The following SPATS2L variants were observed in gnomAD, a reference collection of about 807,000 sequenced individuals.
SPATS2L encodes spermatogenesis associated serine rich 2 like, also known as SPATS2-like protein.
In SPATS2L, 30 loss-of-function variants were observed where a neutral mutation model predicts 59.6. The ratio of observed to expected loss-of-function variants is 0.50; its 90% CI spans 0.38 to 0.68. SPATS2L has a LOEUF of 0.68. Ranked by LOEUF, SPATS2L falls within the 30% of genes least tolerant of loss-of-function variation. The pLI, the probability that SPATS2L is intolerant of heterozygous loss-of-function variation, is 0.00. For synonymous variants in SPATS2L, 252 were observed against 263.5 expected (o/e 0.96, Z 0.42); for missense variants, 615 against 700.0 (o/e 0.88, Z 1.37).
chr2:200,419,563 G>C (rs2083222369), intron 6 of SPATS2L, 67 bp downstream of exon 6: 1 of 1,554,180 alleles, frequency 6.4e-7, no homozygotes, highest in African/African-American at 1.4e-5. Context: ...GGAGCTCATT[G>C]GGGCTGCTGT....
chr2:200,419,265 A>T lies in SPATS2L; in HGVS notation c.214A>T (p.Arg72Ter). 6.3e-7 allele frequency: 1 copy of T among 1,575,228 alleles called. No individual in the cohort carries two copies. Among genetic ancestry groups the T allele is most frequent in the Admixed American group, 1.9e-5 (1 of 53,376 alleles). The change falls in exon 6 of 13, where the codon AGA (arginine) becomes TGA (stop). Residue 72 changes from arginine (R) to a stop codon, truncating the protein, a stop_gained. Coordinates refer to ENST00000409140, the MANE Select transcript of SPATS2L (RefSeq NM_001100423.2). LOFTEE classifies it high-confidence loss of function. ...TGKKKNNKRK[R>*]SKSKQHQGNK... ...CTCATTCTAGAACAATAAAAGAAAAAGAAGCAAGTCCAAGCAGCATCAAGG... is the reference window on the plus strand; with the variant it reads ...CTCATTCTAGAACAATAAAAGAAAATGAAGCAAGTCCAAGCAGCATCAAGG...
intron 2 of SPATS2L, among the ~76,000 whole-genome samples, chr2:200,356,710 G>C (rs1282092495): frequency 6.6e-6 from 1 of 152,176 alleles, no homozygotes; most frequent in East Asian, 1.9e-4. Context: ...AGGGATCATG[G>C]ATGTCAGCCT....
intron 9 of SPATS2L, among the ~76,000 whole-genome samples, chr2:200,461,646 A>G: frequency 6.6e-6 from 1 of 152,210 alleles, no homozygotes. Context: ...TTACCCAAAG[A>G]TGAATTGGAT....
chr2:200,355,894 G>T (rs1559063286), intron 2 of SPATS2L, among the ~76,000 whole-genome samples: 1 of 152,180 alleles, frequency 6.6e-6, no homozygotes, highest in Non-Finnish European at 1.5e-5. Context: ...AATAAAGAAG[G>T]TTGTTTCCTT....
At chr2:200,472,353 A>C (rs2087115769) in intron 11 of SPATS2L, among the ~76,000 whole-genome samples, 1 of 152,210 alleles carries the variant, frequency 6.6e-6, no homozygotes, top group South Asian at 2.1e-4. Context: ...AACATCGTGG[A>C]TCTGACAGGC....
intron 2 of SPATS2L, among the ~76,000 whole-genome samples, chr2:200,348,267 T>C (rs1490254829): frequency 6.6e-6 from 1 of 152,178 alleles, no homozygotes; most frequent in African/African-American, 2.4e-5. Flanking sequence ...CTGTCTTTGG[T>C]ATGAGAGAGC....
intron 2 of SPATS2L, among the ~76,000 whole-genome samples, chr2:200,360,651 A>C (rs529206248): frequency 6.6e-6 from 1 of 152,204 alleles, no homozygotes; most frequent in African/African-American, 2.4e-5. Flanking sequence ...AGCAGGTGGC[A>C]GGTGGTCAGC....
intron 8 of SPATS2L, 95 bp from the exon 9 acceptor site, chr2:200,459,674 T>C (rs1233864504): frequency 1.1e-6 from 1 of 942,034 alleles, no homozygotes; most frequent in Non-Finnish European, 1.6e-6. Context: ...TTTTGTATTT[T>C]GTTTAATGAA....
intron 2 of SPATS2L, among the ~76,000 whole-genome samples, chr2:200,343,461 T>C (rs1236988548): frequency 6.6e-6 from 1 of 152,242 alleles, no homozygotes; most frequent in African/African-American, 2.4e-5. Context: ...AGTACTAAGC[T>C]GATCATAACA....
chr2:200,370,423 A>G (rs968528433), intron 2 of SPATS2L, among the ~76,000 whole-genome samples: 37 of 152,334 alleles, frequency 2.4e-4, no homozygotes, highest in Non-Finnish European at 2.6e-4. Context: ...ACTGAATAAC[A>G]GAATAGTTTC....
intron 2 of SPATS2L, among the ~76,000 whole-genome samples, chr2:200,337,229 G>A (rs2080171961): frequency 6.6e-6 from 1 of 152,164 alleles, no homozygotes; most frequent in Non-Finnish European, 1.5e-5. Context: ...TGCTTTGAAA[G>A]ACCAGCATTA....
chr2:200,396,033 A>ATAAATAT (rs1172186726), intron 3 of SPATS2L, among the ~76,000 whole-genome samples: 1 of 21,138 alleles, frequency 4.7e-5, no homozygotes, highest in Non-Finnish European at 9.0e-5. Flanking sequence ...AAAAAAAAAA[A>ATAAATAT]ATATATATAT....
chr2:200,307,295 C>CCG (rs2079054428), intron 1 of SPATS2L, among the ~76,000 whole-genome samples: 1 of 151,366 alleles, frequency 6.6e-6, no homozygotes. Context: ...TGCCGTCCTC[C>CCG]CGCGCGGGCG....
At chr2:200,388,872 T>C (rs2082081350) in intron 2 of SPATS2L, among the ~76,000 whole-genome samples, 1 of 152,168 alleles carries the variant, frequency 6.6e-6, no homozygotes. Flanking sequence ...CAGTGAGGAC[T>C]GTGATGACAA....
chr2:200,476,162 C>T (rs2087505397), intron 12 of SPATS2L, among the ~76,000 whole-genome samples: 1 of 152,132 alleles, frequency 6.6e-6, no homozygotes, highest in Non-Finnish European at 1.5e-5. Flanking sequence ...GTCCTTACTG[C>T]TCATCCATTT....
chr2:200,475,773 C>G (rs1046585470), intron 12 of SPATS2L, among the ~76,000 whole-genome samples: 3 of 152,178 alleles, frequency 2.0e-5, no homozygotes, highest in African/African-American at 7.2e-5. Context: ...ACCATCCAGT[C>G]ACAGTGCACA....
rs142647620 is a variant in SPATS2L, at chr2:200,448,016, A to G, written c.788+7232A>G. ...TAAAATTAGCCAGATGTGGTGGTAC[A>G]GTCCTTTAGTCCCAGCTACTCAGGA... On this transcript the variant is annotated intron_variant, in intron 8 of 12. Transcript: ENST00000409140. Among the ~76,000 whole-genome samples the G allele has an allele frequency of 9.3e-3, 1,422 of 152,318 alleles. 23 individuals carry two copies. The highest frequency in any genetic ancestry group is 0.032 in the African/African-American group (1,324 of 41,570).
rs1175135676 is a variant in SPATS2L at position 200,480,093 on chromosome 2, G to T, written c.*2062G>T. 5.0e-6 allele frequency: 1 copy of T among 199,568 alleles called. No individual in the cohort carries two copies. Among genetic ancestry groups the T allele is most frequent in the East Asian group, 1.1e-4 (1 of 9,258 alleles). The allele number at this position is 199,568 out of a possible 1,614,324, so 12.4% of individuals were successfully genotyped here. On this transcript the variant is annotated 3_prime_UTR_variant, in exon 13 of 13. Transcript: ENST00000409140. ...CACTGAAAAATGTCAGTGTAAATGT[G>T]ACCGCTTTAAAGATGAGTCAAGTAA...
intron 6 of SPATS2L, among the ~76,000 whole-genome samples, chr2:200,432,076 A>G (rs1382173725): frequency 2.0e-5 from 3 of 152,270 alleles, no homozygotes; most frequent in Non-Finnish European, 4.4e-5. Flanking sequence ...GAAAGGCATG[A>G]ATTTGTATTG....
Sources: allele counts gnomAD v4.1 joint callset (sites outside exome capture counted in the v4.1 genomes callset), GRCh38; gene constraint gnomAD v4.1.1; transcripts MANE v1.5; gene names NCBI Gene and HGNC (gene_info 2026-07-23, HGNC 2026-07-21).